ASIC2: variants seen among roughly 807,000 people sequenced by gnomAD.
ASIC2 encodes the protein acid sensing ion channel subunit 2, also known as acid-sensing ion channel 2.
Under a neutral mutation model 57.3 loss-of-function variants are expected in ASIC2, and 25 were observed. The ratio of observed to expected loss-of-function variants is 0.44; its 90% confidence interval spans 0.32 to 0.61. ASIC2 has a LOEUF of 0.61. Among genes scored for constraint, ASIC2 ranks in the 20% least tolerant of loss-of-function variants. ASIC2 has a pLI of 0.06. For missense variants in ASIC2, 641 were observed against 738.1 expected (o/e 0.87, Z 1.52); for synonymous variants, 319 against 307.5 (o/e 1.04, Z -0.39).
chr17:34,003,550 T>A (rs1222699781), intron 1 of ASIC2: 1 of 152,172 alleles, frequency 6.6e-6, no homozygotes, highest in Non-Finnish European at 1.5e-5. Context: ...ATTATCATCA[T>A]TATCATTGTC....
chr17:33,870,454 C>T (rs1477868784), intron 1 of ASIC2, among the ~76,000 whole-genome samples: 1 of 151,896 alleles, frequency 6.6e-6, no homozygotes, highest in African/African-American at 2.4e-5. Flanking sequence ...TGGTCCATTC[C>T]TCTCTCAGCT....
chr17:33,494,967 A>G (rs960365128), intron 1 of ASIC2, among the ~76,000 whole-genome samples: 6 of 152,164 alleles, frequency 3.9e-5, no homozygotes, highest in African/African-American at 1.4e-4. Context: ...TTCTCTCAGA[A>G]GTTCCCAACT....
chr17:33,695,941 CT>C (rs1376136874), intron 1 of ASIC2, among the ~76,000 whole-genome samples: 2 of 152,084 alleles, frequency 1.3e-5, no homozygotes, highest in Non-Finnish European at 2.9e-5. Context: ...ACGTATTATT[CT>C]GGTACTTGCT....
At chr17:33,376,592 T>A (rs1461371136) in intron 1 of ASIC2, among the ~76,000 whole-genome samples, 1 of 152,210 alleles carries the variant, frequency 6.6e-6, no homozygotes, top group Non-Finnish European at 1.5e-5. Context: ...AAGCAGGCAC[T>A]GTTACTACCC....
chr17:33,445,396 A>C (rs1911977245), intron 1 of ASIC2, among the ~76,000 whole-genome samples: 1 of 152,340 alleles, frequency 6.6e-6, no homozygotes, highest in Middle Eastern at 3.4e-3. Flanking sequence ...ATGCCACTGC[A>C]CTCCAGCCTG....
At chr17:33,801,172 T>C in intron 1 of ASIC2, among the ~76,000 whole-genome samples, 1 of 151,966 alleles carries the variant, frequency 6.6e-6, no homozygotes, top group African/African-American at 2.4e-5. Context: ...ACACCTCTGG[T>C]GAAGAAAGGA....
intron 1 of ASIC2, among the ~76,000 whole-genome samples, chr17:33,484,841 GCTATCACC>G (rs1181568443): frequency 1.1e-4 from 16 of 152,290 alleles, no homozygotes; most frequent in African/African-American, 3.9e-4. Flanking sequence ...CAACACAAAA[GCTATCACC>G]CTTTTCCTAG....
intron 1 of ASIC2, among the ~76,000 whole-genome samples, chr17:33,696,491 T>A (rs749814274): frequency 6.6e-6 from 1 of 152,196 alleles, no homozygotes; most frequent in African/African-American, 2.4e-5. Flanking sequence ...CTAGGTAACA[T>A]ACAACAAAGA....
intron 1 of ASIC2, among the ~76,000 whole-genome samples, chr17:33,844,546 G>C (rs1913526846): frequency 6.6e-6 from 1 of 152,206 alleles, no homozygotes; most frequent in African/African-American, 2.4e-5. Flanking sequence ...TTGTGACAAA[G>C]TGCTTCTGCC....
intron 1 of ASIC2, among the ~76,000 whole-genome samples, chr17:33,346,176 G>A (rs374051545): frequency 2.4e-5 from 3 of 127,198 alleles, no homozygotes; most frequent in Admixed American, 1.0e-4. Flanking sequence ...GCAATGAACC[G>A]AGATTGTGCC....
chr17:33,386,207 A>T (rs775741432), intron 1 of ASIC2, among the ~76,000 whole-genome samples: 4 of 152,120 alleles, frequency 2.6e-5, no homozygotes, highest in Non-Finnish European at 4.4e-5. Context: ...AGCCAAGTCT[A>T]GGCTGATGAC....
chr17:33,057,720 C>T (rs2092003747), intron 3 of ASIC2, among the ~76,000 whole-genome samples: 2 of 152,238 alleles, frequency 1.3e-5, no homozygotes, highest in Admixed American at 1.3e-4. Context: ...CTGGTTGAGG[C>T]TTTGCCTCCA....
At chr17:34,132,049 C>T (rs1314115217) in intron 1 of ASIC2, among the ~76,000 whole-genome samples, 1 of 152,182 alleles carries the variant, frequency 6.6e-6, no homozygotes, top group African/African-American at 2.4e-5. Context: ...GATCTCTGGG[C>T]TTTCTACAGG....
At chr17:33,906,834 T>A (rs1440376987) in intron 1 of ASIC2, among the ~76,000 whole-genome samples, 1 of 152,224 alleles carries the variant, frequency 6.6e-6, no homozygotes, top group Non-Finnish European at 1.5e-5. Flanking sequence ...CTGTTGGCAC[T>A]GAGCAAAGTC....
chr17:33,734,768 C>T (rs550817401), intron 1 of ASIC2, among the ~76,000 whole-genome samples: 1 of 152,248 alleles, frequency 6.6e-6, no homozygotes, highest in Non-Finnish European at 1.5e-5. Context: ...CATTTGAGGG[C>T]ACAGTGAAGA....
chr17:33,428,930 G>T (rs1478396576), intron 1 of ASIC2, among the ~76,000 whole-genome samples: 2 of 152,164 alleles, frequency 1.3e-5, no homozygotes, highest in Non-Finnish European at 2.9e-5. Flanking sequence ...TAACTCAGGG[G>T]GCTCGGCTGT....
chr17:33,331,082 G>A (rs1053078631), intron 1 of ASIC2, among the ~76,000 whole-genome samples: 2 of 152,142 alleles, frequency 1.3e-5, no homozygotes, highest in African/African-American at 4.8e-5. Context: ...TGTTAGATCA[G>A]CAGTGGTGTT....
intron 2 of ASIC2, among the ~76,000 whole-genome samples, chr17:33,101,317 TATG>T (rs1166632556): frequency 6.6e-6 from 1 of 152,234 alleles, no homozygotes; most frequent in East Asian, 1.9e-4. Flanking sequence ...GCTAAAAATT[TATG>T]ATGATTTTAA....
At chr17:33,380,650 C>T (rs1909456351) in intron 1 of ASIC2, among the ~76,000 whole-genome samples, 1 of 152,224 alleles carries the variant, frequency 6.6e-6, no homozygotes, top group South Asian at 2.1e-4. Context: ...CCTCTGCTGC[C>T]TTGGAGAGCA....
Sources: gnomAD v4.1 joint callset for allele counts (sites outside exome capture counted in the v4.1 genomes callset) on GRCh38, gnomAD v4.1.1 for gene constraint, MANE v1.5 for transcripts, NCBI Gene and HGNC (gene_info 2026-07-23, HGNC 2026-07-21) for gene names.